The following BLTP3B variants were observed in gnomAD, a reference collection of about 807,000 sequenced individuals.
BLTP3B encodes bridge-like lipid transfer protein family member 3B.
chr12:100,080,928 G>A, the BLTP3B span, among the ~76,000 whole-genome samples: 1 of 152,186 alleles, frequency 6.6e-6, no homozygotes, highest in South Asian at 2.1e-4. Flanking sequence ...GAAGGTGACT[G>A]AATTATGATT....
the BLTP3B span, among the ~76,000 whole-genome samples, chr12:100,105,697 A>G: frequency 6.6e-6 from 1 of 152,330 alleles, no homozygotes; most frequent in Middle Eastern, 3.4e-3. Flanking sequence ...TAATTAAACT[A>G]AAACGCTTCT....
the BLTP3B span, among the ~76,000 whole-genome samples, chr12:100,106,874 G>T: frequency 2.1e-3 from 315 of 152,138 alleles, 1 homozygote; most frequent in Admixed American, 4.1e-3. Flanking sequence ...CTTTTCTTAG[G>T]AGCCCAAATT....
the BLTP3B span, among the ~76,000 whole-genome samples, chr12:100,121,593 G>A: frequency 6.6e-6 from 1 of 152,068 alleles, no homozygotes; most frequent in Non-Finnish European, 1.5e-5. Flanking sequence ...CACTTTGGGA[G>A]GCCAAGGAGG....
At chr12:100,041,277 C>A in the BLTP3B span, among the ~76,000 whole-genome samples, 1 of 152,072 alleles carries the variant, frequency 6.6e-6, no homozygotes, top group Admixed American at 6.5e-5. Context: ...AAAACACTCA[C>A]CAAGTTAGAA....
At chr12:100,129,835 C>T in the BLTP3B span, among the ~76,000 whole-genome samples, 2 of 152,268 alleles carry the variant, frequency 1.3e-5, no homozygotes, top group Admixed American at 6.5e-5. Context: ...ATTTGGAGGA[C>T]CTAAAAAATT....
the BLTP3B span, chr12:100,095,788 T>C: frequency 6.2e-7 from 1 of 1,613,170 alleles, no homozygotes; most frequent in Admixed American, 1.7e-5. Context: ...CCATAATAAG[T>C]CATCCAATAT....
the BLTP3B span, among the ~76,000 whole-genome samples, chr12:100,054,953 TTAGA>T: frequency 1.3e-5 from 2 of 152,284 alleles, no homozygotes; most frequent in South Asian, 2.1e-4. Context: ...GTCTTAAGGA[TTAGA>T]TAAATTAATG....
chr12:100,092,060 C>T, the BLTP3B span, among the ~76,000 whole-genome samples: 1 of 152,094 alleles, frequency 6.6e-6, no homozygotes, highest in Non-Finnish European at 1.5e-5. Context: ...CCGCCTGCCT[C>T]AGCCTCCCAA....
At chr12:100,117,029 T>C in the BLTP3B span, among the ~76,000 whole-genome samples, 2 of 151,964 alleles carry the variant, frequency 1.3e-5, no homozygotes, top group Non-Finnish European at 2.9e-5. Flanking sequence ...ACACAAACTA[T>C]AAAACAAAAA....
the BLTP3B span, chr12:100,142,671 T>C: frequency 1.9e-6 from 3 of 1,598,064 alleles, no homozygotes; most frequent in Non-Finnish European, 2.6e-6. Context: ...TCTCGTCCTG[T>C]TGCTCACTGC....
chr12:100,098,256 A>G, the BLTP3B span: 2 of 1,347,354 alleles, frequency 1.5e-6, no homozygotes, highest in African/African-American at 2.9e-5. Context: ...AGAGAAAAGC[A>G]AAGTTAAAAG....
At chr12:100,086,003 AT>A in the BLTP3B span, among the ~76,000 whole-genome samples, 1 of 151,344 alleles carries the variant, frequency 6.6e-6, no homozygotes. Flanking sequence ...CTGTACCCTG[AT>A]TTTTTTTTAA....
At chr12:100,060,985 G>A in the BLTP3B span, among the ~76,000 whole-genome samples, 7 of 152,116 alleles carry the variant, frequency 4.6e-5, no homozygotes, top group Non-Finnish European at 8.8e-5. Flanking sequence ...AAGATTCACT[G>A]AATGTCAACT....
chr12:100,058,110 G>A, the BLTP3B span: 4 of 1,612,874 alleles, frequency 2.5e-6, no homozygotes, highest in African/African-American at 4.0e-5. Flanking sequence ...GAGTGAAGCT[G>A]CTTCTGGAAG....
chr12:100,069,992 T>C, the BLTP3B span: 5 of 1,218,500 alleles, frequency 4.1e-6, no homozygotes, highest in South Asian at 2.1e-4. Context: ...TAACAGACAA[T>C]GGCCGTGGTG....
the BLTP3B span, among the ~76,000 whole-genome samples, chr12:100,080,895 CAT>C: frequency 2.0e-5 from 3 of 152,134 alleles, no homozygotes; most frequent in Admixed American, 6.5e-5. Flanking sequence ...ACAATTCCCA[CAT>C]GTTGTAGGAG....
At chr12:100,134,485 C>T in the BLTP3B span, among the ~76,000 whole-genome samples, 3 of 152,052 alleles carry the variant, frequency 2.0e-5, no homozygotes, top group Admixed American at 6.6e-5. Context: ...AACATGGTGG[C>T]GGCTGCCTGT....
At chr12:100,083,146 A>G in the BLTP3B span, 1 of 1,591,112 alleles carries the variant, frequency 6.3e-7, no homozygotes, top group Non-Finnish European at 8.6e-7. Context: ...TGTTGGAAAC[A>G]AAAACTCCTT....
chr12:100,049,086 C>T, the BLTP3B span, among the ~76,000 whole-genome samples: 1 of 151,198 alleles, frequency 6.6e-6, no homozygotes, highest in Non-Finnish European at 1.5e-5. Flanking sequence ...AATGAGGAGA[C>T]ATGGAAAAAA....
Sources: gnomAD v4.1 joint callset for allele counts (sites outside exome capture counted in the v4.1 genomes callset) on GRCh38, gnomAD v4.1.1 for gene constraint, MANE v1.5 for transcripts, NCBI Gene and HGNC (gene_info 2026-07-23, HGNC 2026-07-21) for gene names.